The following DNAAF4 variants were observed in gnomAD, a reference collection of about 807,000 sequenced individuals.
The protein encoded by DNAAF4 is dynein axonemal assembly factor 4, also known as dynein assembly factor 4, axonemal.
Under a neutral mutation model 51.8 loss-of-function variants are expected in DNAAF4, and 43 were observed. That is an observed-to-expected ratio of 0.83 (90% CI 0.65 to 1.07). The LOEUF is 1.07. DNAAF4 is among the 50% of genes least tolerant of loss of function. The probability of loss-of-function intolerance (pLI) is 0.00; values close to 1 mark genes in which losing one functional copy is unlikely to be tolerated. For synonymous variants in DNAAF4, 194 were observed against 165.6 expected (o/e 1.17, Z -1.32); for missense variants, 581 against 493.0 (o/e 1.18, Z -1.69).
At position 55,437,096 on chromosome 15, in the gene DNAAF4, C is replaced by T. The variant is rs1476171940; in HGVS notation, c.894-2038G>A. Among the ~76,000 whole-genome samples the T allele has an allele frequency of 2.0e-5, 3 of 152,260 alleles. No homozygotes were observed. In the South Asian group the frequency reaches 6.2e-4, roughly 32 times the overall value. ...CCTCCCAAAGTGCTGGGATTACAGG[C>T]GTGAGCCACCGCACCTGGCTCTATT... On this transcript the variant is annotated intron_variant, in intron 7 of 9. Transcript: ENST00000321149.
At chr15:55,491,024 T>TGAAGAAAATGCTGAG in intron 4 of DNAAF4, 99 bp downstream of exon 4, 2 of 1,414,612 alleles carry the variant, frequency 1.4e-6, no homozygotes, top group Non-Finnish European at 1.9e-6. Context: ...AAACAAAGTA[T>TGAAGAAAATGCTGAG]GAAGAAAATG....
chr15:55,427,181 T>C (rs143600255), downstream of DNAAF4, among the ~76,000 whole-genome samples: 17,108 of 152,030 alleles, frequency 0.11, 1,421 homozygotes, highest in African/African-American at 0.23. Context: ...ATTCTCTGCC[T>C]CAGCCTCCCG....
At chr15:55,435,929 C>T (rs1246599873) in intron 7 of DNAAF4, among the ~76,000 whole-genome samples, 1 of 152,136 alleles carries the variant, frequency 6.6e-6, no homozygotes, top group Non-Finnish European at 1.5e-5. Flanking sequence ...GCTGGGATTA[C>T]AGGCATGTAC....
At chr15:55,457,970 C>T (rs1017939276) in intron 5 of DNAAF4, among the ~76,000 whole-genome samples, 5 of 152,126 alleles carry the variant, frequency 3.3e-5, no homozygotes, top group Non-Finnish European at 7.4e-5. Flanking sequence ...TCAGGAAGCC[C>T]CATCCCTAGT....
At chr15:55,433,987 A>AAATATATAATAT (rs2057562650) in intron 8 of DNAAF4, among the ~76,000 whole-genome samples, 1 of 69,926 alleles carries the variant, frequency 1.4e-5, no homozygotes, top group Non-Finnish European at 2.6e-5. Context: ...ATTATATATA[A>AAATATATAATAT]TATATATAAT....
chr15:55,439,419 T>A, intron 7 of DNAAF4, 53 bp downstream of exon 7: 1 of 1,462,630 alleles, frequency 6.8e-7, no homozygotes. Context: ...CTATGATAAC[T>A]GCTAATGTCT....
intron 4 of DNAAF4, among the ~76,000 whole-genome samples, chr15:55,473,229 GTGTA>G (rs1567023381): frequency 5.1e-5 from 6 of 118,720 alleles, no homozygotes; most frequent in African/African-American, 8.9e-5. Flanking sequence ...ATATGTGTGT[GTGTA>G]TATATATATA....
chr15:55,491,065 T>A, intron 4 of DNAAF4, 58 bp downstream of exon 4: 2 of 1,597,052 alleles, frequency 1.3e-6, no homozygotes, highest in Non-Finnish European at 8.5e-7. Flanking sequence ...GAACTCACTA[T>A]CCTCACATAG....
chr15:55,462,824 C>A (rs539453625), intron 5 of DNAAF4, among the ~76,000 whole-genome samples: 2 of 152,062 alleles, frequency 1.3e-5, no homozygotes, highest in South Asian at 4.2e-4. Flanking sequence ...TATAATACAC[C>A]ACATAAACAG....
At chr15:55,470,544 G>GT (rs879278282) in intron 4 of DNAAF4, among the ~76,000 whole-genome samples, 3,153 of 138,472 alleles carry the variant, frequency 0.023, 33 homozygotes, top group Middle Eastern at 0.042. Context: ...GCATGACTGG[G>GT]TTTTTTTTTT....
chr15:55,446,296 CGGGGGGGG>C (rs569820152), intron 6 of DNAAF4, among the ~76,000 whole-genome samples: 1 of 19,254 alleles, frequency 5.2e-5, no homozygotes, highest in African/African-American at 4.6e-4. Flanking sequence ...ACATCCCAGA[CGGGGGGGG>C]GGGGCAGCTG....
chr15:55,440,770 C>T (rs1015605939), intron 6 of DNAAF4, among the ~76,000 whole-genome samples: 1 of 151,894 alleles, frequency 6.6e-6, no homozygotes, highest in African/African-American at 2.4e-5. Flanking sequence ...TACCCTCTGC[C>T]TCCTGGGTTC....
chr15:55,437,521 G>T (rs1264432556), intron 7 of DNAAF4, among the ~76,000 whole-genome samples: 1 of 151,680 alleles, frequency 6.6e-6, no homozygotes, highest in African/African-American at 2.4e-5. Flanking sequence ...CCCAAAAAAA[G>T]ATGTCCATAT....
chr15:55,431,664 G>A (rs1356063304), intron 9 of DNAAF4, among the ~76,000 whole-genome samples: 1 of 151,896 alleles, frequency 6.6e-6, no homozygotes, highest in Non-Finnish European at 1.5e-5. Context: ...ATTTTTAGTA[G>A]AGACGGGGTT....
At chr15:55,508,071 G>A (rs149584376) in intron 1 of DNAAF4, 51 bp downstream of exon 1, 1 of 152,206 alleles carries the variant, frequency 6.6e-6, no homozygotes, top group Non-Finnish European at 1.5e-5. Context: ...ACCAAAGTTT[G>A]AGAACCACTA....
intron 4 of DNAAF4, among the ~76,000 whole-genome samples, chr15:55,483,871 T>TTTTTTTTTG: frequency 8.0e-6 from 1 of 125,402 alleles, no homozygotes; most frequent in East Asian, 2.2e-4. Flanking sequence ...TTTTTTTTTT[T>TTTTTTTTTG]AAGAGAAAGC....
chr15:55,496,032 G>C (rs1012519057), intron 3 of DNAAF4, among the ~76,000 whole-genome samples: 1 of 152,206 alleles, frequency 6.6e-6, no homozygotes, highest in East Asian at 1.9e-4. Context: ...TTTGAGACCA[G>C]CCTGGCCAAC....
At chr15:55,437,117 C>G (rs566637081) in intron 7 of DNAAF4, among the ~76,000 whole-genome samples, 31 of 152,314 alleles carry the variant, frequency 2.0e-4, no homozygotes, top group African/African-American at 7.0e-4. Flanking sequence ...GCACCTGGCT[C>G]TATTACCTTG....
intron 4 of DNAAF4, among the ~76,000 whole-genome samples, chr15:55,488,299 G>A (rs2058521588): frequency 6.6e-6 from 1 of 152,052 alleles, no homozygotes; most frequent in Admixed American, 6.6e-5. Context: ...AATTGACACA[G>A]CCCCACTAAT....
Sources: allele counts gnomAD v4.1 joint callset (sites outside exome capture counted in the v4.1 genomes callset), GRCh38; gene constraint gnomAD v4.1.1; transcripts MANE v1.5; gene names NCBI Gene and HGNC (gene_info 2026-07-23, HGNC 2026-07-21).